The following VWA3B variants were observed in gnomAD, a reference collection of about 807,000 sequenced individuals.
VWA3B encodes von Willebrand factor A domain-containing protein 3B.
VWA3B carries 138 observed loss-of-function variants against 158.3 expected under a neutral mutation model. That is an observed-to-expected ratio of 0.87 (90% confidence interval 0.76 to 1.00). The LOEUF is 1.00. Among genes scored for constraint, VWA3B ranks in the 50% least tolerant of loss-of-function variants. The pLI, the probability that VWA3B is intolerant of heterozygous loss-of-function variation, is 0.00. For missense variants in VWA3B, 1,555 were observed against 1,565.1 expected, an observed-to-expected ratio of 0.99 and a Z score of 0.11; for synonymous variants, 596 against 587.3, an observed-to-expected ratio of 1.01 and a Z score of -0.21.
intron 2 of VWA3B, among the ~76,000 whole-genome samples, chr2:98,114,892 C>T (rs1412591931): frequency 6.6e-6 from 1 of 152,154 alleles, no homozygotes; most frequent in Non-Finnish European, 1.5e-5. Context: ...GTTTATGCAA[C>T]AGATATTTGA....
chr2:98,316,517 G>A (rs62155350), downstream of VWA3B, among the ~76,000 whole-genome samples: 1,596 of 152,016 alleles, frequency 0.01, 19 homozygotes, highest in Non-Finnish European at 0.017. Flanking sequence ...GGTGACACAC[G>A]CCTGTAGTCT....
intron 22 of VWA3B, among the ~76,000 whole-genome samples, chr2:98,289,367 G>A (rs906523425): frequency 7.2e-5 from 11 of 152,132 alleles, no homozygotes; most frequent in Non-Finnish European, 1.6e-4. Flanking sequence ...GGATGAATGG[G>A]AAGGGAAAGT....
At chr2:98,295,099 C>A (rs936666289) in intron 23 of VWA3B, among the ~76,000 whole-genome samples, 2 of 152,064 alleles carry the variant, frequency 1.3e-5, no homozygotes, top group Non-Finnish European at 2.9e-5. Context: ...CAAGTCAAAG[C>A]AGCAAAAGTC....
At chr2:98,149,727 G>C (rs755705987) in intron 7 of VWA3B, among the ~76,000 whole-genome samples, 2 of 152,146 alleles carry the variant, frequency 1.3e-5, no homozygotes, top group Admixed American at 1.3e-4. Flanking sequence ...TTTTGATTTA[G>C]TTCTAGGAAG....
intron 12 of VWA3B, among the ~76,000 whole-genome samples, chr2:98,203,452 T>C (rs1397536653): frequency 6.6e-6 from 1 of 152,246 alleles, no homozygotes; most frequent in Non-Finnish European, 1.5e-5. Context: ...AACAAACTTC[T>C]TTATGCCTAT....
intron 22 of VWA3B, among the ~76,000 whole-genome samples, chr2:98,289,516 G>A (rs1474156826): frequency 6.6e-6 from 1 of 152,200 alleles, no homozygotes; most frequent in African/African-American, 2.4e-5. Flanking sequence ...AGCATCCACT[G>A]TTGCATCAAC....
chr2:98,217,970 G>A lies in VWA3B; in HGVS notation c.1961G>A (p.Gly654Glu). Residue 654 changes from glycine to glutamate, a missense_variant, in exon 14 of 28, where the codon GGA becomes GAA. Coordinates refer to ENST00000477737, the MANE Select transcript of VWA3B (RefSeq NM_144992.5). ...FLKEVAALTG[G>E]EFHFYNFGCK... ...AAAGAGGTTGCTGCTTTGACTGGAGGAGAGTTCCATTTTTATAATTTTGGT... is the reference window on the plus strand; with the variant it reads ...AAAGAGGTTGCTGCTTTGACTGGAGAAGAGTTCCATTTTTATAATTTTGGT... 2 of 1,613,432 alleles carry A rather than the reference G, an allele frequency of 1.2e-6. No individual in the cohort carries two copies. Among genetic ancestry groups the A allele is most frequent in the African/African-American group, 1.3e-5 (1 of 74,936 alleles).
intron 22 of VWA3B, among the ~76,000 whole-genome samples, chr2:98,288,502 C>T (rs1310404391): frequency 1.3e-5 from 2 of 152,132 alleles, no homozygotes; most frequent in Non-Finnish European, 2.9e-5. Flanking sequence ...CACATGTGTA[C>T]CTTAGGGGTA....
intron 2 of VWA3B, among the ~76,000 whole-genome samples, chr2:98,102,412 A>G (rs1683147063): frequency 6.6e-6 from 1 of 152,188 alleles, no homozygotes; most frequent in African/African-American, 2.4e-5. Flanking sequence ...GTACACCTGC[A>G]GAAAGGCTGT....
At position 98,220,975 on chromosome 2, in the gene VWA3B, C is replaced by T. The variant is rs753002911; in HGVS notation, c.2019+2947C>T. On this transcript the variant is annotated intron_variant, in intron 14 of 27. Coordinates refer to ENST00000477737, the MANE Select transcript of VWA3B (RefSeq NM_144992.5). ...TCACACACCTGGGGCCTGTCGGGGG[C>T]GGGGCAGAGGGAGGGAGAGCATCAG... 5.3e-5 allele frequency among the ~76,000 whole-genome samples: 8 copies of T among 151,880 alleles called. No individual in the cohort carries two copies. In the South Asian group the frequency reaches 6.2e-4, roughly 12 times the overall value.
At chr2:98,256,238 C>G in intron 21 of VWA3B, 64 bp downstream of exon 21, 1 of 1,556,874 alleles carries the variant, frequency 6.4e-7, no homozygotes, top group Non-Finnish European at 8.8e-7. Flanking sequence ...CTAAAATTAA[C>G]CATTTTAAAG....
chr2:98,250,984 CA>C (rs1233129056), intron 20 of VWA3B, among the ~76,000 whole-genome samples: 1 of 152,024 alleles, frequency 6.6e-6, no homozygotes, highest in Admixed American at 6.6e-5. Context: ...CCTGTAGTCC[CA>C]GCTACTTGGG....
At chr2:98,257,355 T>C (rs1687223241) in intron 21 of VWA3B, among the ~76,000 whole-genome samples, 1 of 152,108 alleles carries the variant, frequency 6.6e-6, no homozygotes, top group Non-Finnish European at 1.5e-5. Context: ...TACCACATTT[T>C]CTTTATCCAT....
intron 19 of VWA3B, among the ~76,000 whole-genome samples, chr2:98,249,509 A>T (rs553873093): frequency 6.6e-6 from 1 of 152,336 alleles, no homozygotes; most frequent in Admixed American, 6.5e-5. Flanking sequence ...GATAGAATAC[A>T]TGGAGAAGCT....
At chr2:98,265,211 A>G (rs1281043432) in intron 21 of VWA3B, among the ~76,000 whole-genome samples, 1 of 140,546 alleles carries the variant, frequency 7.1e-6, no homozygotes, top group African/African-American at 2.7e-5. Context: ...ACCCCACAAC[A>G]GTCCCCAGAG....
the VWA3B span, among the ~76,000 whole-genome samples, chr2:98,327,612 C>T: frequency 2.0e-5 from 3 of 152,154 alleles, no homozygotes; most frequent in Non-Finnish European, 4.4e-5. Context: ...AATTCAAGAT[C>T]CATTCACAAT....
rs1476661054 is a variant in VWA3B, at chr2:98,181,144, T to C, written c.1243T>C (p.Phe415Leu). The C allele has an allele frequency of 6.2e-7, 1 of 1,614,102 alleles. No individual in the cohort carries two copies. Among genetic ancestry groups the C allele is most frequent in the African/African-American group, 1.3e-5 (1 of 74,940 alleles). Reference protein sequence around the residue: ...SLYDVLADCSFRHADGVVDIK... With the variant: ...SLYDVLADCSLRHADGVVDIK... ...GTATGATGTGCTTGCCGACTGCTCT[T>C]TCCGCCACGCTGATGGGGTTGTGGA... Residue 415 changes from phenylalanine (F) to leucine (L), a missense_variant, in exon 9 of 28, where the codon TTC becomes CTC. Transcript: ENST00000477737.
rs2105391287 is a variant in VWA3B at position 98,188,050 on chromosome 2, G to C, written c.1387G>C (p.Val463Leu). Residue 463 changes from valine (V) to leucine (L), a missense_variant, in exon 10 of 28, where the codon GTC becomes CTC. Transcript: ENST00000477737. ...VHAPWKDGSL[V>L]HVNITKEKCK... ...TGCTCCCTGGAAGGATGGGAGCTTG[G>C]TCCACGTCAACATTACCAAAGAGAA... is the stretch of plus-strand genomic sequence containing the variant. 2 of 1,614,036 alleles carry C rather than the reference G, an allele frequency of 1.2e-6. No homozygotes were observed. Among genetic ancestry groups the C allele is most frequent in the Non-Finnish European group, 1.7e-6 (2 of 1,180,000 alleles).
chr2:98,232,567 T>C (rs76299600), intron 16 of VWA3B, among the ~76,000 whole-genome samples: 210 of 152,338 alleles, frequency 1.4e-3, no homozygotes, highest in African/African-American at 4.8e-3. Flanking sequence ...ATTGTTTTTC[T>C]AGTTACTGAT....
Sources: gnomAD v4.1 joint callset for allele counts (sites outside exome capture counted in the v4.1 genomes callset) on GRCh38, gnomAD v4.1.1 for gene constraint, MANE v1.5 for transcripts, NCBI Gene and HGNC (gene_info 2026-07-23, HGNC 2026-07-21) for gene names.